The following FZD6 variants were observed in gnomAD, a reference collection of about 807,000 sequenced individuals.
FZD6 encodes frizzled-6.
In FZD6, 49 loss-of-function variants were observed where a neutral mutation model predicts 61.4. The observed-to-expected ratio is 0.80, with a 90% confidence interval of 0.63 to 1.01. The LOEUF is 1.01. FZD6 is among the 50% of genes least tolerant of loss of function. The probability of loss-of-function intolerance (pLI) is 0.00; values close to 1 mark genes in which losing one functional copy is unlikely to be tolerated. For missense variants in FZD6, 724 were observed against 848.2 expected (o/e 0.85, Z 1.82); for synonymous variants, 265 against 292.2 (o/e 0.91, Z 0.95).
intron 5 of FZD6, among the ~76,000 whole-genome samples, chr8:103,329,243 G>T (rs1021838495): frequency 5.3e-5 from 8 of 150,708 alleles, no homozygotes; most frequent in Non-Finnish European, 1.5e-5. Flanking sequence ...AATTTTTAAC[G>T]TTAGAAAGAA....
chr8:103,301,988 T>C (rs1435074270), intron 2 of FZD6, among the ~76,000 whole-genome samples: 1 of 152,188 alleles, frequency 6.6e-6, no homozygotes, highest in Non-Finnish European at 1.5e-5. Flanking sequence ...CTCTTCATTA[T>C]ATAATTTTCC....
At chr8:103,315,548 A>G (rs1436180530) in intron 2 of FZD6, among the ~76,000 whole-genome samples, 1 of 152,236 alleles carries the variant, frequency 6.6e-6, no homozygotes, top group Non-Finnish European at 1.5e-5. Flanking sequence ...GTAAAATTAT[A>G]GAAAATACCA....
At chr8:103,307,253 AC>A (rs1357939334) in intron 2 of FZD6, among the ~76,000 whole-genome samples, 7 of 152,022 alleles carry the variant, frequency 4.6e-5, no homozygotes, top group Non-Finnish European at 1.0e-4. Flanking sequence ...TCAGGATCTT[AC>A]AGTGCCACCA....
At chr8:103,330,117 C>G in intron 6 of FZD6, 52 bp downstream of exon 6, 10 of 1,427,516 alleles carry the variant, frequency 7.0e-6, no homozygotes, top group Non-Finnish European at 9.9e-6. Context: ...CTGCATTACA[C>G]ATTTTTTATT....
intron 2 of FZD6, among the ~76,000 whole-genome samples, chr8:103,301,449 T>G (rs1405742679): frequency 6.6e-6 from 1 of 152,262 alleles, no homozygotes; most frequent in Admixed American, 6.5e-5. Flanking sequence ...GAAGCAATAA[T>G]TACATCATTC....
intron 2 of FZD6, among the ~76,000 whole-genome samples, chr8:103,315,537 C>T (rs987665003): frequency 2.0e-4 from 30 of 152,074 alleles, no homozygotes; most frequent in African/African-American, 5.3e-4. Context: ...ATTCCACTTA[C>T]GTAAAATTAT....
intron 5 of FZD6, among the ~76,000 whole-genome samples, chr8:103,329,013 T>TTTTATATA (rs143400765): frequency 5.2e-5 from 6 of 115,174 alleles, no homozygotes; most frequent in African/African-American, 8.9e-5. Flanking sequence ...CATTTTAGTT[T>TTTTATATA]TATATATATA....
intron 3 of FZD6, among the ~76,000 whole-genome samples, chr8:103,323,022 C>T (rs1002488428): frequency 1.3e-5 from 2 of 152,074 alleles, no homozygotes; most frequent in Non-Finnish European, 2.9e-5. Context: ...CATCTGTCGA[C>T]ATGGATAAAT....
chr8:103,309,136 C>T (rs561114830), intron 2 of FZD6, among the ~76,000 whole-genome samples: 2 of 152,192 alleles, frequency 1.3e-5, no homozygotes, highest in Admixed American at 1.3e-4. Context: ...TCACTGGCTC[C>T]ATCCCTGAGT....
intron 2 of FZD6, 92 bp from the exon 3 acceptor site, chr8:103,318,498 G>C: frequency 1.3e-6 from 1 of 781,630 alleles, no homozygotes; most frequent in Non-Finnish European, 2.2e-6. Context: ...TGCAGTATAA[G>C]TGAAAAAGCA....
intron 2 of FZD6, among the ~76,000 whole-genome samples, chr8:103,309,167 G>T (rs1208436520): frequency 6.6e-6 from 1 of 152,188 alleles, no homozygotes; most frequent in Non-Finnish European, 1.5e-5. Context: ...ATAGGTCTGG[G>T]ATGGGATGGA....
In FZD6 at chr8:103,329,906, G is replaced by C. The variant is rs1815072997; in HGVS notation, c.1793G>C (p.Arg598Thr). Residue 598 changes from arginine to threonine, a missense_variant, in exon 6 of 7, where the codon AGA becomes ACA. By Grantham distance (71) the Arg-to-Thr change is moderately conservative. Transcript: ENST00000358755. ...EIQTSPETSM[R>T]EVKADGASTP... Reference sequence around the variant, plus strand: ...CAAACCTCACCAGAAACATCAATGAGAGAGGTGAAAGCGGACGGAGCTAGC... The same window carrying C: ...CAAACCTCACCAGAAACATCAATGACAGAGGTGAAAGCGGACGGAGCTAGC... 2 of 1,614,022 alleles carry C rather than the reference G, an allele frequency of 1.2e-6. No individual in the cohort carries two copies. The highest frequency in any genetic ancestry group is 2.7e-5 in the African/African-American group (2 of 74,892).
At chr8:103,330,175 C>A in intron 6 of FZD6, 110 bp downstream of exon 6, 1 of 997,244 alleles carries the variant, frequency 1.0e-6, no homozygotes, top group Non-Finnish European at 1.6e-6. Context: ...TATGTCTGTA[C>A]TCTTACCCCA....
intron 2 of FZD6, among the ~76,000 whole-genome samples, chr8:103,311,519 C>G (rs1402235898): frequency 3.9e-5 from 6 of 151,962 alleles, no homozygotes; most frequent in African/African-American, 1.5e-4. Context: ...AGGAGAATCA[C>G]TTGAGCTCAG....
At chr8:103,317,119 A>G (rs1318015825) in intron 2 of FZD6, among the ~76,000 whole-genome samples, 1 of 152,230 alleles carries the variant, frequency 6.6e-6, no homozygotes, top group Non-Finnish European at 1.5e-5. Flanking sequence ...TTTGAGGTGA[A>G]TTGAGTGGAG....
At chr8:103,307,718 TG>T (rs1445972212) in intron 2 of FZD6, 26 of 420,226 alleles carry the variant, frequency 6.2e-5, no homozygotes, top group Middle Eastern at 3.4e-4. Context: ...TTCTAAGGTG[TG>T]TTTTTTTTTT....
rs149943553 is a variant in FZD6, at chr8:103,324,486, A to G, written c.380A>G (p.Gln127Arg). ...WPEELECDRL[Q>R]YCDETVPVTF... Reference sequence around the variant, plus strand: ...AATTTTTATAATCTTTACAGATTACAATACTGTGATGAGACTGTTCCTGTA... The same window carrying G: ...AATTTTTATAATCTTTACAGATTACGATACTGTGATGAGACTGTTCCTGTA... The change falls in exon 4 of 7, where the codon CAA becomes CGA. Residue 127 changes from glutamine (Q) to arginine (R), a missense_variant. Transcript: ENST00000358755. 1.3e-6 allele frequency: 2 copies of G among 1,557,532 alleles called. No individual in the cohort carries two copies. Among genetic ancestry groups the G allele is most frequent in the East Asian group, 2.2e-5 (1 of 44,640 alleles).
chr8:103,312,733 TA>T (rs1380942793), intron 2 of FZD6, among the ~76,000 whole-genome samples: 1 of 152,214 alleles, frequency 6.6e-6, no homozygotes, highest in Admixed American at 6.5e-5. Context: ...AGTTCAATAC[TA>T]GGCTGACTAC....
intron 4 of FZD6, among the ~76,000 whole-genome samples, chr8:103,326,831 A>G (rs1457874209): frequency 2.0e-5 from 3 of 152,098 alleles, no homozygotes; most frequent in Non-Finnish European, 2.9e-5. Flanking sequence ...GAAAAAAACC[A>G]TCCATCTGAT....
Sources: gnomAD v4.1 joint callset for allele counts (sites outside exome capture counted in the v4.1 genomes callset) on GRCh38, gnomAD v4.1.1 for gene constraint, MANE v1.5 for transcripts, NCBI Gene and HGNC (gene_info 2026-07-23, HGNC 2026-07-21) for gene names.